PCDHA1: variants seen among roughly 807,000 people sequenced by gnomAD.
PCDHA1 encodes protocadherin alpha 1.
PCDHA1 carries 42 observed loss-of-function variants against 61.3 expected under a neutral mutation model. The observed-to-expected ratio is 0.69, with a 90% CI of 0.54 to 0.89. The LOEUF is 0.89. Among genes scored for constraint, PCDHA1 ranks in the 40% least tolerant of loss-of-function variants. PCDHA1 has a pLI of 0.00. For synonymous variants in PCDHA1, 610 were observed against 553.8 expected (o/e 1.10, Z -1.43); for missense variants, 1,256 against 1,235.3 (o/e 1.02, Z -0.25).
intron 1 of PCDHA1, among the ~76,000 whole-genome samples, chr5:140,898,043 T>A (rs1554187781): frequency 6.6e-6 from 1 of 152,148 alleles, no homozygotes; most frequent in African/African-American, 2.4e-5. Context: ...GTTGTTTGTT[T>A]TTTTCTTGTA....
chr5:140,863,400 G>A, intron 1 of PCDHA1: 2 of 854,178 alleles, frequency 2.3e-6, no homozygotes, highest in Admixed American at 1.9e-5. Flanking sequence ...TGCCGGGCAA[G>A]CCCACGCTGG....
chr5:140,990,554 A>T (rs555586765), intron 3 of PCDHA1, among the ~76,000 whole-genome samples: 1 of 152,308 alleles, frequency 6.6e-6, no homozygotes, highest in East Asian at 1.9e-4. Context: ...GTATTACCCA[A>T]GAACACACAC....
chr5:140,807,017 G>C lies in PCDHA1; in HGVS notation c.2394+18333G>C. Reference sequence around the variant, plus strand: ...TGTCGCTCTTTACCACAAAATACATGAGAGAAGGAGGAAGAAGGGAAAATT... The same window carrying C: ...TGTCGCTCTTTACCACAAAATACATCAGAGAAGGAGGAAGAAGGGAAAATT... On this transcript the variant is annotated intron_variant, in intron 1 of 3. Transcript: ENST00000504120. 3.7e-6 allele frequency: 3 copies of C among 805,674 alleles called. No individual in the cohort carries two copies. The South Asian group carries it at 5.4e-5, about 15-fold the overall frequency. The allele number at this position is 805,674 out of a possible 1,614,324, so 49.9% of individuals were successfully genotyped here.
chr5:140,852,598 AT>A, intron 1 of PCDHA1: 1 of 898,436 alleles, frequency 1.1e-6, no homozygotes, highest in Non-Finnish European at 1.3e-6. Context: ...TTTTTTTGTC[AT>A]TTTCTTTCAA....
chr5:140,967,870 G>A (rs782622860), intron 1 of PCDHA1: 31 of 1,614,152 alleles, frequency 1.9e-5, no homozygotes, highest in Non-Finnish European at 2.5e-5. Flanking sequence ...TGGTGCTCAC[G>A]GACCTGTATA....
chr5:140,942,633 G>T (rs1554215141), intron 1 of PCDHA1, among the ~76,000 whole-genome samples: 1 of 151,380 alleles, frequency 6.6e-6, no homozygotes, highest in Non-Finnish European at 1.5e-5. Context: ...AAAAAAAATG[G>T]CAAAAGAGAT....
chr5:140,877,380 C>A, intron 1 of PCDHA1: 1 of 1,613,980 alleles, frequency 6.2e-7, no homozygotes, highest in Non-Finnish European at 8.5e-7. Context: ...CGACACGCAT[C>A]CTGGATGAGG....
intron 3 of PCDHA1, among the ~76,000 whole-genome samples, chr5:140,989,708 G>T (rs2097355537): frequency 6.6e-6 from 1 of 152,154 alleles, no homozygotes; most frequent in South Asian, 2.1e-4. Context: ...ATCTTCAGAG[G>T]CAGTCAGCTT....
intron 1 of PCDHA1, among the ~76,000 whole-genome samples, chr5:140,789,823 T>C (rs1210175859): frequency 1.3e-5 from 2 of 152,228 alleles, no homozygotes; most frequent in East Asian, 3.8e-4. Flanking sequence ...AGTTCAGTAT[T>C]ATTACTAAGT....
chr5:140,942,540 G>T (rs1013086382), intron 1 of PCDHA1, among the ~76,000 whole-genome samples: 52 of 152,164 alleles, frequency 3.4e-4, no homozygotes, highest in African/African-American at 1.1e-3. Flanking sequence ...TCAGTATGGT[G>T]GGGGGTAGGG....
chr5:140,787,376 C>T lies in PCDHA1; in HGVS notation c.1086C>T (p.Asp362=). The change falls in exon 1 of 4, where the codon GAC becomes GAT. Residue 362 remains aspartate, a synonymous_variant. Coordinates refer to ENST00000504120, the MANE Select transcript of PCDHA1 (RefSeq NM_018900.4). ...VTSLYLPIRE[D]APLSTVIALI... ...CATTGTATTTGCCTATCAGAGAGGACGCTCCACTCAGCACCGTCATCGCCC... is the reference window on the plus strand; with the variant it reads ...CATTGTATTTGCCTATCAGAGAGGATGCTCCACTCAGCACCGTCATCGCCC... 6.2e-7 allele frequency: 1 copy of T among 1,614,192 alleles called. No individual in the cohort carries two copies.
In PCDHA1 at chr5:140,993,861, T is replaced by G. The variant is rs143253452; in HGVS notation, c.2542+11298T>G. 3.2e-4 allele frequency among the ~76,000 whole-genome samples: 49 copies of G among 152,356 alleles called. No homozygotes were observed. In the East Asian group the frequency reaches 9.4e-3, roughly 29 times the overall value. On this transcript the variant is annotated intron_variant, in intron 3 of 3. Transcript: ENST00000504120. ...TAGGTATGTAGTAGGCTATGCCATC[T>G]AGGTTTGTGTAAGTACGCTCTATGA... is the stretch of plus-strand genomic sequence containing the variant.
At chr5:140,969,224 T>A (rs782172299) in intron 1 of PCDHA1, 1 of 1,614,100 alleles carries the variant, frequency 6.2e-7, no homozygotes, top group East Asian at 2.2e-5. Context: ...ACCAGGGCCT[T>A]CGGGAGCCCA....
intron 1 of PCDHA1, among the ~76,000 whole-genome samples, chr5:140,939,650 A>G (rs1203077314): frequency 1.3e-5 from 2 of 152,228 alleles, no homozygotes; most frequent in African/African-American, 2.4e-5. Flanking sequence ...GAAAACTTCA[A>G]TAACAGGAAT....
In PCDHA1 at chr5:141,009,476, C is replaced by G. The variant is rs970744618; in HGVS notation, c.2543-151C>G. ...TTAAACAAATAAATAAATAAGTAAA[C>G]ACTTGCCTTGCCCTCAGACTTGAAC... On this transcript the variant is annotated intron_variant, in intron 3 of 3. Coordinates refer to ENST00000504120, the MANE Select transcript of PCDHA1 (RefSeq NM_018900.4). 2.3e-5 allele frequency: 32 copies of G among 1,420,036 alleles called. No individual in the cohort carries two copies. The East Asian group carries it at 7.2e-4, about 32-fold the overall frequency. 88.0% of individuals were successfully genotyped at this position (1,420,036 alleles called of 1,614,324 possible).
At chr5:140,869,084 G>A (rs2050835199) in intron 1 of PCDHA1, 1 of 1,583,106 alleles carries the variant, frequency 6.3e-7, no homozygotes, top group African/African-American at 1.4e-5. Context: ...AGCTTATTTT[G>A]GAAGCCAATT....
intron 1 of PCDHA1, chr5:140,968,608 T>C: frequency 6.2e-7 from 1 of 1,614,242 alleles, no homozygotes; most frequent in South Asian, 1.1e-5. Context: ...ACTCAGACTC[T>C]GGGCAAAATG....
chr5:140,924,945 A>T (rs200246310), intron 1 of PCDHA1, among the ~76,000 whole-genome samples: 4 of 64,382 alleles, frequency 6.2e-5, no homozygotes, highest in African/African-American at 1.9e-4. Context: ...ATAAAAAGTT[A>T]AAAAAAAAAT....
At chr5:140,825,512 C>G (rs1351857242) in intron 1 of PCDHA1, 1 of 150,882 alleles carries the variant, frequency 6.6e-6, no homozygotes, top group Non-Finnish European at 1.5e-5. Context: ...ACAATCTTGG[C>G]CTCCCAGGTT....
Sources: gnomAD v4.1 joint callset for allele counts (sites outside exome capture counted in the v4.1 genomes callset) on GRCh38, gnomAD v4.1.1 for gene constraint, MANE v1.5 for transcripts, NCBI Gene and HGNC (gene_info 2026-07-23, HGNC 2026-07-21) for gene names.